TPO: variants seen among roughly 807,000 people sequenced by gnomAD.
TPO encodes thyroid peroxidase, also known as thyroid microsomal antigen.
TPO carries 78 observed loss-of-function variants against 96.9 expected under a neutral mutation model. That is an observed-to-expected ratio of 0.81 (90% confidence interval 0.67 to 0.97). TPO has a LOEUF of 0.97. Among genes scored for constraint, TPO ranks in the 50% least tolerant of loss-of-function variants. The probability of loss-of-function intolerance (pLI) is 0.00; values close to 1 mark genes in which losing one functional copy is unlikely to be tolerated. For missense variants in TPO, 1,252 were observed against 1,274.8 expected, an observed-to-expected ratio of 0.98 and a Z score of 0.27; for synonymous variants, 547 against 538.0, an observed-to-expected ratio of 1.02 and a Z score of -0.23.
intron 14 of TPO, among the ~76,000 whole-genome samples, chr2:1,507,558 A>T (rs1303904530): frequency 6.6e-6 from 1 of 151,932 alleles, no homozygotes; most frequent in Admixed American, 6.6e-5. Flanking sequence ...CTTTTATTTC[A>T]TTGAGCAGTG....
At chr2:1,491,886 G>A (rs940329146) in intron 10 of TPO, among the ~76,000 whole-genome samples, 4 of 152,228 alleles carry the variant, frequency 2.6e-5, no homozygotes, top group Non-Finnish European at 5.9e-5. Context: ...GACAGAAAAC[G>A]AGAGTGGTTT....
intron 15 of TPO, among the ~76,000 whole-genome samples, chr2:1,535,622 C>G (rs1482614650): frequency 1.6e-4 from 2 of 12,656 alleles, no homozygotes; most frequent in African/African-American, 4.7e-4. Context: ...AGTGTACAAC[C>G]TCCTCAAATC....
At chr2:1,485,238 C>T (rs548528513) in intron 9 of TPO, among the ~76,000 whole-genome samples, 24 of 152,238 alleles carry the variant, frequency 1.6e-4, no homozygotes, top group African/African-American at 4.6e-4. Flanking sequence ...ATGAACTCAT[C>T]GTTTTTTTAT....
At chr2:1,470,624 T>C (rs1026134337) in intron 7 of TPO, among the ~76,000 whole-genome samples, 6 of 152,046 alleles carry the variant, frequency 3.9e-5, no homozygotes, top group African/African-American at 1.4e-4. Flanking sequence ...CTCTATTTTG[T>C]GTAGATAAAA....
intron 1 of TPO, among the ~76,000 whole-genome samples, chr2:1,385,170 C>CT (rs1025426210): frequency 4.5e-4 from 69 of 152,176 alleles, no homozygotes; most frequent in African/African-American, 1.4e-3. Context: ...CTAAAATTCT[C>CT]TTTTTTTGTT....
intron 2 of TPO, among the ~76,000 whole-genome samples, chr2:1,421,821 T>G (rs899272763): frequency 6.6e-6 from 1 of 152,052 alleles, no homozygotes; most frequent in African/African-American, 2.4e-5. Context: ...CCCTCCCCTC[T>G]CGGCTCCTAC....
At chr2:1,401,546 C>T (rs58430372) in intron 1 of TPO, among the ~76,000 whole-genome samples, 9,137 of 152,190 alleles carry the variant, frequency 0.06, 748 homozygotes, top group African/African-American at 0.18. Flanking sequence ...CAGGCAGCTA[C>T]ACCCATGACC....
At chr2:1,527,260 C>T (rs1676793323) in intron 15 of TPO, among the ~76,000 whole-genome samples, 1 of 133,110 alleles carries the variant, frequency 7.5e-6, no homozygotes, top group Non-Finnish European at 1.6e-5. Flanking sequence ...CTCCCCAAAA[C>T]CCCCACTGTG....
rs1173067224 is a variant in TPO, at chr2:1,531,190, A to T, written c.2619-9404A>T. Among the ~76,000 whole-genome samples the T allele has an allele frequency of 2.7e-5, 3 of 110,498 alleles. No individual in the cohort carries two copies. In the East Asian group the frequency reaches 8.6e-4, roughly 32 times the overall value. The allele number at this position is 110,498 out of a possible 152,430, so 72.5% of individuals were successfully genotyped here. A position where few individuals can be genotyped will look rare whatever the true frequency, so the allele number is the denominator to read the frequency against. On this transcript the variant is annotated intron_variant, in intron 15 of 16. Coordinates refer to ENST00000329066, the MANE Select transcript of TPO (RefSeq NM_001206744.2). ...CCCCCCACTGTGAGCAACCTCCCCAAATCCCCACACTGTCTGCAACCACCC... is the reference window on the plus strand; with the variant it reads ...CCCCCCACTGTGAGCAACCTCCCCATATCCCCACACTGTCTGCAACCACCC...
chr2:1,473,434 CTTGGTCA>C (rs1391280901), intron 7 of TPO, among the ~76,000 whole-genome samples: 9 of 152,150 alleles, frequency 5.9e-5, no homozygotes, highest in Non-Finnish European at 1.0e-4. Flanking sequence ...ACCGTGTGGA[CTTGGTCA>C]TAGCGGCCTT....
chr2:1,456,339 T>C, intron 7 of TPO, 57 bp downstream of exon 7: 6 of 1,559,844 alleles, frequency 3.8e-6, no homozygotes, highest in South Asian at 1.1e-5. Flanking sequence ...ATTTAAAACG[T>C]CAAACAGAAT....
At chr2:1,475,686 T>C (rs374425514) in intron 7 of TPO, among the ~76,000 whole-genome samples, 2 of 152,058 alleles carry the variant, frequency 1.3e-5, no homozygotes, top group African/African-American at 4.8e-5. Flanking sequence ...GCCTCCCAAA[T>C]TGCTGGGCGC....
At chr2:1,395,854 G>A (rs34973858) in intron 1 of TPO, among the ~76,000 whole-genome samples, 4,043 of 152,240 alleles carry the variant, frequency 0.027, 91 homozygotes, top group Non-Finnish European at 0.043. Flanking sequence ...CTTGCCTGCC[G>A]CCATGTAAGA....
chr2:1,464,436 A>C (rs1668718884), intron 7 of TPO, among the ~76,000 whole-genome samples: 1 of 152,236 alleles, frequency 6.6e-6, no homozygotes, highest in Non-Finnish European at 1.5e-5. Context: ...GCTGGATCAA[A>C]TAGTAGTTCT....
At chr2:1,451,285 T>G (rs1667278679) in intron 5 of TPO, among the ~76,000 whole-genome samples, 1 of 152,218 alleles carries the variant, frequency 6.6e-6, no homozygotes, top group African/African-American at 2.4e-5. Flanking sequence ...TAGTAGAACC[T>G]TAGTCCTTTC....
At chr2:1,375,191 A>T (rs1243624996) in intron 1 of TPO, among the ~76,000 whole-genome samples, 1 of 152,092 alleles carries the variant, frequency 6.6e-6, no homozygotes, top group Non-Finnish European at 1.5e-5. Flanking sequence ...AGGGCTGAAA[A>T]ATCATGTTGG....
chr2:1,517,946 C>A (rs527703792), intron 15 of TPO, among the ~76,000 whole-genome samples: 39 of 152,122 alleles, frequency 2.6e-4, no homozygotes, highest in Non-Finnish European at 4.9e-4. Context: ...AGGCTCCCCC[C>A]CCCAATATGC....
chr2:1,519,040 G>A (rs1674984471), intron 15 of TPO, among the ~76,000 whole-genome samples: 1 of 152,188 alleles, frequency 6.6e-6, no homozygotes, highest in Non-Finnish European at 1.5e-5. Context: ...TGACGGGAAG[G>A]CAGAGATCAG....
At chr2:1,473,868 C>T (rs1392250294) in intron 7 of TPO, among the ~76,000 whole-genome samples, 1 of 151,910 alleles carries the variant, frequency 6.6e-6, no homozygotes, top group Non-Finnish European at 1.5e-5. Context: ...ATCCTCAGAT[C>T]GAAGACATTT....
Sources: allele counts gnomAD v4.1 joint callset (sites outside exome capture counted in the v4.1 genomes callset), GRCh38; gene constraint gnomAD v4.1.1; transcripts MANE v1.5; gene names NCBI Gene and HGNC (gene_info 2026-07-23, HGNC 2026-07-21).